Variants in MACF1 observed in about 807,000 individuals in gnomAD.
The protein encoded by MACF1 is microtubule actin crosslinking factor 1, also known as microtubule-actin cross-linking factor 1.
Under a neutral mutation model 854.8 loss-of-function variants are expected in MACF1, and 193 were observed. The ratio of observed to expected loss-of-function variants is 0.23; its 90% CI spans 0.20 to 0.25. The LOEUF is 0.25. Ranked by LOEUF, MACF1 falls within the 10% of genes least tolerant of loss-of-function variation. MACF1 has a pLI of 1.00. For missense variants in MACF1, 7,722 were observed against 8,929.1 expected (o/e 0.86, Z 5.45); for synonymous variants, 3,185 against 3,226.7 (o/e 0.99, Z 0.44).
At chr1:39,147,454 T>G (rs1643494202) in intron 2 of MACF1, among the ~76,000 whole-genome samples, 1 of 151,242 alleles carries the variant, frequency 6.6e-6, no homozygotes, top group Admixed American at 6.6e-5. Flanking sequence ...TTCCTCTTTC[T>G]TTTCTTTCCT....
Position 39,460,739 on chromosome 1 carries a change from G to A in MACF1, c.21468G>A (p.Lys7156=). The A allele has an allele frequency of 1.9e-6, 3 of 1,614,208 alleles. No individual in the cohort carries two copies. Among genetic ancestry groups the A allele is most frequent in the Non-Finnish European group, 2.5e-6 (3 of 1,180,024 alleles). Residue 7156 remains lysine (K), a synonymous_variant, in exon 92 of 101, where the codon AAG becomes AAA. Coordinates refer to ENST00000564288, the MANE Select transcript of MACF1 (RefSeq NM_001394062.1). This position sits in a 1 kb window ranked among gnomAD's most constrained non-coding sequence, Gnocchi z 4.1. ...TGGATTTCTTCCGGCGCATTGATAA[G>A]GACCAGGATGGGAAGATAACACGTC... is the stretch of plus-strand genomic sequence containing the variant. ...RVMDFFRRID[K]DQDGKITRQE...
intron 6 of MACF1, among the ~76,000 whole-genome samples, chr1:39,278,505 T>G (rs1645480745): frequency 6.6e-6 from 1 of 152,256 alleles, no homozygotes; most frequent in African/African-American, 2.4e-5. Flanking sequence ...AGATTATGGC[T>G]GTAATGAACA....
In MACF1 at chr1:39,300,189, G is replaced by T. The variant is rs1056716554; in HGVS notation, c.2482-21G>T. ...TGAGTAGCAGCATTAATGTCATTTTGTTTTTCTTATCATTTTGTAGGATGA... is the reference window on the plus strand; with the variant it reads ...TGAGTAGCAGCATTAATGTCATTTTTTTTTTCTTATCATTTTGTAGGATGA... On this transcript the variant is annotated intron_variant, in intron 21 of 100. Coordinates refer to ENST00000564288, the MANE Select transcript of MACF1 (RefSeq NM_001394062.1). 11 of 1,609,684 alleles carry T rather than the reference G, an allele frequency of 6.8e-6. No individual in the cohort carries two copies. In the African/African-American group the frequency reaches 1.3e-4, roughly 20 times the overall value.
chr1:39,376,979 C>T (rs768933467), intron 52 of MACF1, among the ~76,000 whole-genome samples: 10 of 151,294 alleles, frequency 6.6e-5, no homozygotes, highest in Non-Finnish European at 1.2e-4. Context: ...GGATTACAGG[C>T]GTGAGCCATT....
Position 39,300,380 on chromosome 1 carries a change from G to A in MACF1, c.2634+18G>A, listed in dbSNP as rs1201502459. 3.1e-6 allele frequency: 5 copies of A among 1,609,876 alleles called. No individual in the cohort carries two copies. Among genetic ancestry groups the A allele is most frequent in the Non-Finnish European group, 3.4e-6 (4 of 1,178,008 alleles). On this transcript the variant is annotated intron_variant, in intron 22 of 100. Coordinates refer to ENST00000564288, the MANE Select transcript of MACF1 (RefSeq NM_001394062.1). ...AGATCGAGGTGAGGAGGTAGAAAGG[G>A]TACCTCTGGGCCACAGGGGGAAGGA...
intron 1 of MACF1, among the ~76,000 whole-genome samples, chr1:39,221,298 A>G (rs1210662799): frequency 1.3e-5 from 2 of 152,028 alleles, no homozygotes; most frequent in African/African-American, 4.8e-5. Context: ...TCAAATCCGT[A>G]AAGGATTTTG....
Position 39,458,514 on chromosome 1 carries a change from A to G in MACF1, c.21196+24A>G, listed in dbSNP as rs754789199. Reference sequence around the variant, plus strand: ...CAGTATGTTTCCAGCCCCCTGTGTTAGGATGCTTCATTCCTGCTAATTGAG... The same window carrying G: ...CAGTATGTTTCCAGCCCCCTGTGTTGGGATGCTTCATTCCTGCTAATTGAG... On this transcript the variant is annotated intron_variant, in intron 90 of 100. Transcript: ENST00000564288. 2.5e-6 allele frequency: 4 copies of G among 1,597,266 alleles called. No homozygotes were observed. In the African/African-American group the frequency reaches 5.4e-5, roughly 22 times the overall value.
At chr1:39,254,820 T>G (rs1296862648) in intron 5 of MACF1, among the ~76,000 whole-genome samples, 1 of 152,210 alleles carries the variant, frequency 6.6e-6, no homozygotes, top group African/African-American at 2.4e-5. Flanking sequence ...TAAGCACTGA[T>G]AACTTAAGTG....
intron 6 of MACF1, among the ~76,000 whole-genome samples, chr1:39,277,030 T>A (rs753545916): frequency 3.3e-5 from 5 of 152,132 alleles, no homozygotes; most frequent in Non-Finnish European, 5.9e-5. Context: ...ATCTCCTAAT[T>A]TGAAGTGTTG....
At chr1:39,206,614 A>T (rs989030968) in intron 1 of MACF1, 1 of 152,222 alleles carries the variant, frequency 6.6e-6, no homozygotes, top group African/African-American at 2.4e-5. Context: ...ATAAAAAGAT[A>T]CATTGTAAAA....
chr1:39,116,996 G>A (rs1461455701), intron 2 of MACF1, among the ~76,000 whole-genome samples: 1 of 152,162 alleles, frequency 6.6e-6, no homozygotes, highest in Non-Finnish European at 1.5e-5. Context: ...TGAAGACCTG[G>A]GTGTTTACAA....
Position 39,084,721 on chromosome 1 carries a change from C to A in MACF1, c.220+283C>A, listed in dbSNP as rs918472489. ...TCAGTTATATTTTCTATGCAGTTGCCTTCATGGCTTAGGTACCATTCTGCA... is the reference window on the plus strand; with the variant it reads ...TCAGTTATATTTTCTATGCAGTTGCATTCATGGCTTAGGTACCATTCTGCA... On this transcript the variant is annotated intron_variant, in intron 2 of 93. Transcript: ENST00000361689. The surrounding 1 kb of genome is among the most constrained non-coding windows in gnomAD (Gnocchi z 5.2). 2.6e-5 allele frequency among the ~76,000 whole-genome samples: 4 copies of A among 152,164 alleles called. No individual in the cohort carries two copies. The highest frequency in any genetic ancestry group is 7.2e-5 in the African/African-American group (3 of 41,446).
chr1:39,412,067 G>C, intron 58 of MACF1: 1 of 1,613,980 alleles, frequency 6.2e-7, no homozygotes. Flanking sequence ...CTGGACCCAG[G>C]AGGACTGCTG....
At chr1:39,197,689 A>G (rs1202976219) in intron 2 of MACF1, among the ~76,000 whole-genome samples, 1 of 152,040 alleles carries the variant, frequency 6.6e-6, no homozygotes, top group Non-Finnish European at 1.5e-5. Flanking sequence ...GTTTGAGACC[A>G]GCCTGGACTA....
At chr1:39,207,274 C>T (rs1246127522) in intron 1 of MACF1, among the ~76,000 whole-genome samples, 1 of 149,282 alleles carries the variant, frequency 6.7e-6, no homozygotes, top group African/African-American at 2.5e-5. Context: ...TTCTTTCTTT[C>T]TTTCTTTCTT....
At chr1:39,465,884 G>A (rs1002642386) in intron 95 of MACF1, among the ~76,000 whole-genome samples, 2 of 152,100 alleles carry the variant, frequency 1.3e-5, no homozygotes, top group Non-Finnish European at 2.9e-5. Flanking sequence ...GGAAGAACAG[G>A]GGATAAGAGA....
chr1:39,427,410 A>G (rs753278766), intron 61 of MACF1, 45 bp from the exon 62 acceptor site: 3 of 1,575,586 alleles, frequency 1.9e-6, no homozygotes, highest in South Asian at 2.3e-5. Context: ...ACCAGTTTTA[A>G]TGTGACTTTT....
At chr1:39,432,093 G>C (rs1051354992) in intron 66 of MACF1, among the ~76,000 whole-genome samples, 1 of 152,138 alleles carries the variant, frequency 6.6e-6, no homozygotes, top group Admixed American at 6.5e-5. Context: ...TTCTTTTGGG[G>C]TCTTATGCTG....
chr1:39,484,025 T>C, intron 99 of MACF1, among the ~76,000 whole-genome samples: 1 of 152,086 alleles, frequency 6.6e-6, no homozygotes. Context: ...TGGTGGCGGG[T>C]GCCTGTAGTC....
Sources: allele counts gnomAD v4.1 joint callset (sites outside exome capture counted in the v4.1 genomes callset), GRCh38; gene constraint gnomAD v4.1.1; non-coding constraint Gnocchi (gnomAD v3.1); transcripts MANE v1.5; gene names NCBI Gene and HGNC (gene_info 2026-07-23, HGNC 2026-07-21).